DACH1: variants seen among roughly 807,000 people sequenced by gnomAD.
DACH1 encodes the protein dachshund family transcription factor 1, also known as dachshund homolog 1.
In DACH1, 12 loss-of-function variants were observed where a neutral mutation model predicts 54.2. The observed-to-expected ratio is 0.22, with a 90% confidence interval of 0.14 to 0.36. The LOEUF is 0.36. Ranked by LOEUF, DACH1 falls within the 10% of genes least tolerant of loss-of-function variation. The pLI is 1.00. For synonymous variants in DACH1, 386 were observed against 366.2 expected (o/e 1.05, Z -0.62); for missense variants, 805 against 929.8 (o/e 0.87, Z 1.75).
intron 1 of DACH1, among the ~76,000 whole-genome samples, chr13:71,810,117 A>T (rs1328766117): frequency 6.6e-6 from 1 of 152,230 alleles, no homozygotes; most frequent in Non-Finnish European, 1.5e-5. Context: ...AGAGGTTAAC[A>T]CTAGTTAATA....
At chr13:71,509,022 T>C (rs1361097971) in intron 6 of DACH1, among the ~76,000 whole-genome samples, 1 of 152,136 alleles carries the variant, frequency 6.6e-6, no homozygotes, top group Non-Finnish European at 1.5e-5. Flanking sequence ...CATTTCTGTG[T>C]TTCTCTTCAA....
At chr13:71,670,130 G>A (rs1336041403) in intron 2 of DACH1, among the ~76,000 whole-genome samples, 1 of 151,786 alleles carries the variant, frequency 6.6e-6, no homozygotes, top group Admixed American at 6.6e-5. Flanking sequence ...TTAGTCTACT[G>A]TATATATCTT....
chr13:71,546,527 T>G lies in DACH1; in HGVS notation c.1570+10497A>C, dbSNP rs74095971. Among the ~76,000 whole-genome samples the G allele has an allele frequency of 5.3e-3, 800 of 152,128 alleles. 5 individuals carry two copies. Among genetic ancestry groups the G allele is most frequent in the African/African-American group, 0.018 (749 of 41,582 alleles). On this transcript the variant is annotated intron_variant, in intron 6 of 10. Transcript: ENST00000613252. Reference sequence around the variant, plus strand: ...CTTGGAGTAGAAGCAAAAGCAGTTGTTTTTAAGAATTTAGAAACATATTGA... The same window carrying G: ...CTTGGAGTAGAAGCAAAAGCAGTTGGTTTTAAGAATTTAGAAACATATTGA...
intron 1 of DACH1, chr13:71,704,284 A>C: frequency 7.1e-6 from 2 of 281,530 alleles, no homozygotes; most frequent in Non-Finnish European, 1.4e-5. Context: ...CAAATCTGTA[A>C]GGTGATATTG....
In DACH1 at chr13:71,768,715, T is replaced by C. The variant is rs965774059; in HGVS notation, c.849-86805A>G. 2.6e-5 allele frequency among the ~76,000 whole-genome samples: 4 copies of C among 151,916 alleles called. No individual in the cohort carries two copies. In the East Asian group the frequency reaches 7.7e-4, roughly 29 times the overall value. On this transcript the variant is annotated intron_variant, in intron 1 of 10. Transcript: ENST00000613252. ...TTAAGCTGGAAAACTTTTCTGGCAT[T>C]GTTTGATAGATGTTATACTAAATCT...
intron 1 of DACH1, among the ~76,000 whole-genome samples, chr13:71,702,646 A>G (rs1429416286): frequency 6.6e-6 from 1 of 152,162 alleles, no homozygotes; most frequent in Non-Finnish European, 1.5e-5. Flanking sequence ...ATACCCTAAC[A>G]TCTTTCCTGA....
At chr13:71,680,111 A>C (rs1182460854) in intron 2 of DACH1, among the ~76,000 whole-genome samples, 1 of 152,214 alleles carries the variant, frequency 6.6e-6, no homozygotes, top group Admixed American at 6.5e-5. Flanking sequence ...GATTTTTCCA[A>C]ATCTCAAATT....
chr13:71,464,023 G>A (rs1339484703), intron 10 of DACH1, among the ~76,000 whole-genome samples: 2 of 151,858 alleles, frequency 1.3e-5, no homozygotes, highest in Non-Finnish European at 2.9e-5. Context: ...GTTTCTGCCA[G>A]GAAACACTGT....
chr13:71,838,415 A>G (rs938206468), intron 1 of DACH1, among the ~76,000 whole-genome samples: 9 of 152,192 alleles, frequency 5.9e-5, no homozygotes, highest in African/African-American at 2.2e-4. Context: ...CTCTTATTTA[A>G]CAAAAATATT....
chr13:71,844,832 A>G (rs1237641861), intron 1 of DACH1, among the ~76,000 whole-genome samples: 1 of 152,140 alleles, frequency 6.6e-6, no homozygotes, highest in Non-Finnish European at 1.5e-5. Context: ...ACTGGAGTAC[A>G]TTATGTTAAA....
chr13:71,638,250 T>C (rs1877633773), intron 2 of DACH1, among the ~76,000 whole-genome samples: 1 of 152,206 alleles, frequency 6.6e-6, no homozygotes, highest in South Asian at 2.1e-4. Flanking sequence ...ACAGGCGGCT[T>C]ATAAATATCT....
intron 7 of DACH1, among the ~76,000 whole-genome samples, chr13:71,487,647 T>C (rs1265006582): frequency 6.6e-6 from 1 of 152,202 alleles, no homozygotes; most frequent in Non-Finnish European, 1.5e-5. Context: ...TCTGCTGAAA[T>C]TGAAATTAAA....
At chr13:71,713,137 A>C (rs2138783248) in intron 1 of DACH1, among the ~76,000 whole-genome samples, 1 of 151,718 alleles carries the variant, frequency 6.6e-6, no homozygotes, top group South Asian at 2.1e-4. Flanking sequence ...AAACAATAGA[A>C]GTGAACTTTC....
intron 1 of DACH1, among the ~76,000 whole-genome samples, chr13:71,770,179 T>C (rs530247788): frequency 5.3e-5 from 8 of 151,714 alleles, no homozygotes; most frequent in African/African-American, 1.9e-4. Flanking sequence ...TTGGCAGATA[T>C]GCACTTTCAT....
intron 3 of DACH1, among the ~76,000 whole-genome samples, chr13:71,611,763 G>A (rs1294071468): frequency 6.6e-6 from 1 of 152,066 alleles, no homozygotes; most frequent in Non-Finnish European, 1.5e-5. Context: ...CAGAAATATG[G>A]ACAATGGTAT....
At position 71,866,627 on chromosome 13, in the gene DACH1, G is replaced by C. The variant is rs368754616; in HGVS notation, c.143C>G (p.Ala48Gly). ...GCGGAACAGAGTTGGCCCAGAGGAC[G>C]CCGGGGGTCCGATGGAAGGAGCCGG... ...SSPAPSIGPPASSGPTLFRPE... is the reference protein window; with the variant it reads ...SSPAPSIGPPGSSGPTLFRPE... Residue 48 changes from alanine (A) to glycine (G), a missense_variant, in exon 1 of 11, where the codon GCG (alanine) becomes GGG (glycine). Around this residue, in one of 3 missense-constraint regions of DACH1, gnomAD observed 305 missense variants for 308.7 expected, o/e 0.99. Coordinates refer to ENST00000613252, the MANE Select transcript of DACH1 (RefSeq NM_080759.6). The C allele has an allele frequency of 1.2e-5, 17 of 1,393,514 alleles. No individual in the cohort carries two copies. In the African/African-American group the frequency reaches 1.9e-4, roughly 16 times the overall value. The allele number at this position is 1,393,514 out of a possible 1,614,324, so 86.3% of individuals were successfully genotyped here.
In DACH1 at chr13:71,630,618, T is replaced by A; in HGVS notation, c.1064A>T (p.Tyr355Phe). The A allele has an allele frequency of 6.2e-7, 1 of 1,612,044 alleles. No homozygotes were observed. The highest frequency in any genetic ancestry group is 2.2e-5 in the East Asian group (1 of 44,750). ...TCCATGTTGGTTATTACTGGCATGA[T>A]AGTTGCTCATGGCTTCTAATTTGAT... ...KKIKLEAMSN[Y>F]HASNNQHGAD... The change falls in exon 3 of 11, where the codon TAT becomes TTT. Residue 355 changes from tyrosine (Y) to phenylalanine (F), a missense_variant. Tyr to Phe is a conservative substitution (Grantham distance 22). Transcript: ENST00000613252.
chr13:71,539,675 T>C (rs1883012323), intron 6 of DACH1, among the ~76,000 whole-genome samples: 2 of 152,128 alleles, frequency 1.3e-5, no homozygotes, highest in South Asian at 4.1e-4. Context: ...ACACATATTT[T>C]ATTTTTTAGT....
intron 3 of DACH1, among the ~76,000 whole-genome samples, chr13:71,576,193 G>C (rs1885515317): frequency 6.6e-6 from 1 of 151,788 alleles, no homozygotes; most frequent in African/African-American, 2.4e-5. Flanking sequence ...GGGGAAGACA[G>C]AAACAGAAAA....
Sources: allele counts gnomAD v4.1 joint callset (sites outside exome capture counted in the v4.1 genomes callset), GRCh38; gene constraint gnomAD v4.1.1; regional missense constraint gnomAD v4.1.1; transcripts MANE v1.5; gene names NCBI Gene and HGNC (gene_info 2026-07-23, HGNC 2026-07-21).